Variants in PKP4 observed in about 807,000 individuals in gnomAD.
PKP4 encodes plakophilin 4, also known as plakophilin-4.
Under a neutral mutation model 145.1 loss-of-function variants are expected in PKP4, and 90 were observed. The ratio of observed to expected loss-of-function variants is 0.62; its 90% CI spans 0.52 to 0.74. The LOEUF (loss-of-function observed/expected upper bound fraction) is 0.74, where lower values mean the gene tolerates loss of function less well. Ranked by LOEUF, PKP4 falls within the 30% of genes least tolerant of loss-of-function variation. The pLI, the probability that PKP4 is intolerant of heterozygous loss-of-function variation, is 0.00. For synonymous variants in PKP4, 563 were observed against 577.2 expected, an observed-to-expected ratio of 0.98 and a Z score of 0.35; for missense variants, 1,340 against 1,482.7, an observed-to-expected ratio of 0.90 and a Z score of 1.58.
At chr2:158,469,909 G>A (rs764753127) in intron 1 of PKP4, among the ~76,000 whole-genome samples, 19 of 152,052 alleles carry the variant, frequency 1.2e-4, no homozygotes, top group Non-Finnish European at 2.6e-4. Flanking sequence ...TCTCTGCCTG[G>A]TGAGCCCTTG....
At chr2:158,575,094 T>C (rs1400646397) in intron 2 of PKP4, among the ~76,000 whole-genome samples, 2 of 152,180 alleles carry the variant, frequency 1.3e-5, no homozygotes, top group Non-Finnish European at 2.9e-5. Context: ...GAGACTAAGA[T>C]TCCAGGAACG....
At chr2:158,649,837 G>C (rs2055186818) in intron 11 of PKP4, among the ~76,000 whole-genome samples, 1 of 152,210 alleles carries the variant, frequency 6.6e-6, no homozygotes. Context: ...GAGACCCCAG[G>C]CCAGGTCCTG....
In PKP4 at chr2:158,569,490, G is replaced by T. The variant is rs181401320; in HGVS notation, c.133-7781G>T. ...TCTTCAAAGTGATGCAATGTCAGCA[G>T]TTTCCATTTGAAGGCTAACCCTTTG... On this transcript the variant is annotated intron_variant, in intron 2 of 21. Coordinates refer to ENST00000389759, the MANE Select transcript of PKP4 (RefSeq NM_003628.6). 3.4e-3 allele frequency among the ~76,000 whole-genome samples: 511 copies of T among 152,292 alleles called. 6 individuals carry two copies. Among genetic ancestry groups the T allele is most frequent in the African/African-American group, 0.012 (478 of 41,564 alleles).
intron 2 of PKP4, among the ~76,000 whole-genome samples, chr2:158,552,500 A>G (rs1170952566): frequency 6.6e-6 from 1 of 152,230 alleles, no homozygotes; most frequent in African/African-American, 2.4e-5. Context: ...TTTTAGCCCC[A>G]TGATAGGGAA....
chr2:158,569,299 A>G (rs2047240401), intron 2 of PKP4, among the ~76,000 whole-genome samples: 1 of 152,188 alleles, frequency 6.6e-6, no homozygotes, highest in South Asian at 2.1e-4. Flanking sequence ...AAAGATCTTA[A>G]TATTGTTCAT....
chr2:158,617,512 T>C lies in PKP4; in HGVS notation c.281-3478T>C, dbSNP rs76693775. Among the ~76,000 whole-genome samples the C allele has an allele frequency of 8.4e-3, 1,282 of 152,324 alleles. 21 individuals carry two copies. Among genetic ancestry groups the C allele is most frequent in the African/African-American group, 0.029 (1,223 of 41,566 alleles). ...TCATGAAATGGTTATTTGCACACTATATACCTCTTCTCTAGTGAATTTGAC... is the reference window on the plus strand; with the variant it reads ...TCATGAAATGGTTATTTGCACACTACATACCTCTTCTCTAGTGAATTTGAC... On this transcript the variant is annotated intron_variant, in intron 4 of 21. Transcript: ENST00000389759.
chr2:158,480,877 C>G (rs761945528), intron 1 of PKP4, among the ~76,000 whole-genome samples: 3 of 152,020 alleles, frequency 2.0e-5, no homozygotes, highest in Non-Finnish European at 4.4e-5. Flanking sequence ...TACCATTTCT[C>G]TCTCCCCTCA....
At chr2:158,489,737 T>A (rs1694674443) in intron 1 of PKP4, among the ~76,000 whole-genome samples, 3 of 152,258 alleles carry the variant, frequency 2.0e-5, no homozygotes, top group South Asian at 4.1e-4. Context: ...AAATGTTCTT[T>A]CCTTTTGGAA....
intron 4 of PKP4, among the ~76,000 whole-genome samples, chr2:158,617,342 AC>A (rs1337365627): frequency 6.6e-6 from 1 of 152,102 alleles, no homozygotes; most frequent in Non-Finnish European, 1.5e-5. Flanking sequence ...TTTTAAACCA[AC>A]ACATGTTCTT....
chr2:158,676,894 C>G (rs1202839560), intron 20 of PKP4, 27 bp downstream of exon 20: 2 of 1,613,710 alleles, frequency 1.2e-6, no homozygotes, highest in African/African-American at 2.7e-5. Flanking sequence ...GTGTGTGATA[C>G]AGTCTCTTGA....
chr2:158,472,398 A>G (rs944091276), intron 1 of PKP4, among the ~76,000 whole-genome samples: 1 of 152,138 alleles, frequency 6.6e-6, no homozygotes, highest in Non-Finnish European at 1.5e-5. Context: ...TCATGAGGTC[A>G]GGAGATCGAG....
In PKP4 at chr2:158,533,642, A is replaced by G. The variant is rs7604856; in HGVS notation, c.132+326A>G. The stretch of plus-strand genomic sequence containing the variant: ...CATAGTTCTCAGTGCTGACTTTTCT[A>G]TCAGGACTCTGGCAACCTGAGGCCT... On this transcript the variant is annotated intron_variant, in intron 2 of 21. Coordinates refer to ENST00000389759, the MANE Select transcript of PKP4 (RefSeq NM_003628.6). The G allele has an allele frequency of 3.4e-3, 1,296 of 379,390 alleles. 21 individuals carry two copies. Among genetic ancestry groups the G allele is most frequent in the African/African-American group, 0.025 (1,205 of 47,968 alleles). 23.5% of individuals were successfully genotyped at this position (379,390 alleles called of 1,614,324 possible). A position where few individuals can be genotyped will look rare whatever the true frequency, so the allele number is the denominator to read the frequency against.
In PKP4 at chr2:158,680,493, A is replaced by G; in HGVS notation, c.3395A>G (p.Tyr1132Cys). ...AAGAACTTTGATGCATACAGATTGT[A>G]TTTGCAGTCTCCTCATAGCTATGAA... ...NRKNFDAYRL[Y>C]LQSPHSYEDP... The change falls in exon 22 of 22, where the codon TAT (tyrosine) becomes TGT (cysteine). Residue 1132 changes from tyrosine to cysteine, a missense_variant. Transcript: ENST00000389759. 2 of 1,613,490 alleles carry G rather than the reference A, an allele frequency of 1.2e-6. No homozygotes were observed. The highest frequency in any genetic ancestry group is 2.2e-5 in the South Asian group (2 of 91,076).
intron 1 of PKP4, among the ~76,000 whole-genome samples, chr2:158,462,872 A>G (rs1232192532): frequency 6.6e-6 from 1 of 152,190 alleles, no homozygotes; most frequent in Non-Finnish European, 1.5e-5. Context: ...AAATGAATTA[A>G]TACATGTAAA....
At chr2:158,505,978 G>C (rs1031361991) in intron 1 of PKP4, among the ~76,000 whole-genome samples, 1 of 152,144 alleles carries the variant, frequency 6.6e-6, no homozygotes, top group African/African-American at 2.4e-5. Flanking sequence ...GAAACCTTAA[G>C]TAAAAGATTT....
rs185219153 is a variant in PKP4 at position 158,670,943 on chromosome 2, A to G, written c.2924+1028A>G. The stretch of plus-strand genomic sequence containing the variant: ...AATGGTAAGTAGGATGCCTGGTGCC[A>G]TCTCAGAACAGCAGGACAGCAACCT... On this transcript the variant is annotated intron_variant, in intron 17 of 21. Transcript: ENST00000389759. Among the ~76,000 whole-genome samples the G allele has an allele frequency of 3.3e-4, 50 of 152,288 alleles. 1 individual carries two copies. Among genetic ancestry groups the G allele is most frequent in the Admixed American group, 1.8e-3 (27 of 15,296 alleles).
intron 4 of PKP4, among the ~76,000 whole-genome samples, chr2:158,610,905 C>T (rs1308315395): frequency 6.6e-6 from 1 of 152,156 alleles, no homozygotes; most frequent in Non-Finnish European, 1.5e-5. Context: ...ACCAGCCAGC[C>T]AGCCAAGCTC....
chr2:158,558,504 G>A (rs1448615928), intron 2 of PKP4, among the ~76,000 whole-genome samples: 1 of 152,152 alleles, frequency 6.6e-6, no homozygotes, highest in Non-Finnish European at 1.5e-5. Flanking sequence ...GATGCAGAAA[G>A]GTCAGGGTAG....
chr2:158,573,508 C>A (rs536026235), intron 2 of PKP4, among the ~76,000 whole-genome samples: 1 of 152,046 alleles, frequency 6.6e-6, no homozygotes, highest in African/African-American at 2.4e-5. Context: ...ACATCTGAAG[C>A]AAATGTAGCA....
Sources: allele counts gnomAD v4.1 joint callset (sites outside exome capture counted in the v4.1 genomes callset), GRCh38; gene constraint gnomAD v4.1.1; transcripts MANE v1.5; gene names NCBI Gene and HGNC (gene_info 2026-07-23, HGNC 2026-07-21).